ZNF133: variants seen among roughly 807,000 people sequenced by gnomAD.
ZNF133 encodes the protein zinc finger protein 133 (clone pHZ-13).
Under a neutral mutation model 54.9 loss-of-function variants are expected in ZNF133, and 26 were observed. The observed-to-expected ratio is 0.47, with a 90% CI of 0.35 to 0.66. The LOEUF (loss-of-function observed/expected upper bound fraction) is 0.66. Among genes scored for constraint, ZNF133 ranks in the 30% least tolerant of loss-of-function variants. ZNF133 has a pLI of 0.01. For synonymous variants in ZNF133, 298 were observed against 320.3 expected, an observed-to-expected ratio of 0.93 and a Z score of 0.74; for missense variants, 653 against 820.8, an observed-to-expected ratio of 0.80 and a Z score of 2.50.
intron 1 of ZNF133, among the ~76,000 whole-genome samples, chr20:18,290,358 GT>G (rs1250564723): frequency 6.6e-6 from 1 of 152,090 alleles, no homozygotes; most frequent in Non-Finnish European, 1.5e-5. Context: ...TTAACATTCT[GT>G]TCTTCTGTCT....
At position 18,316,541 on chromosome 20, in the gene ZNF133, G is replaced by T. The variant is rs763763549; in HGVS notation, c.1690G>T (p.Ala564Ser). 1 of 1,614,044 alleles carries T rather than the reference G, an allele frequency of 6.2e-7. No homozygotes were observed. The highest frequency in any genetic ancestry group is 2.2e-5 in the East Asian group (1 of 44,872). The change falls in exon 7 of 7, where the codon GCT becomes TCT. Residue 564 changes from alanine to serine, a missense_variant. Coordinates refer to ENST00000425686, the MANE Select transcript of ZNF133 (RefSeq NM_001352452.2). Reference sequence around the variant, plus strand: ...TGGACTGGGCTTTGGCAATAAGTCAGCTCTAATTACACACAAGCGGGCTCA... The same window carrying T: ...TGGACTGGGCTTTGGCAATAAGTCATCTCTAATTACACACAAGCGGGCTCA... ...QCGLGFGNKSALITHKRAHSE... is the reference protein window; with the variant it reads ...QCGLGFGNKSSLITHKRAHSE...
chr20:18,290,171 G>A (rs1338343175), intron 1 of ZNF133: 1 of 152,118 alleles, frequency 6.6e-6, no homozygotes, highest in East Asian at 1.9e-4. Flanking sequence ...CAGGGATCAG[G>A]GCCCCAGCTG....
In ZNF133 at chr20:18,316,829, G is replaced by C; in HGVS notation, c.*13G>C. ...ATACTCTCTCTGAAGGCAAAGATGG[G>C]GACAAGGACTAAGAGTCAGAATGTT... On this transcript the variant is annotated 3_prime_UTR_variant, in exon 7 of 7. Coordinates refer to ENST00000425686, the MANE Select transcript of ZNF133 (RefSeq NM_001352452.2). The C allele has an allele frequency of 6.3e-7, 1 of 1,589,756 alleles. No individual in the cohort carries two copies. The highest frequency in any genetic ancestry group is 1.1e-5 in the South Asian group (1 of 87,712).
intron 6 of ZNF133, chr20:18,312,597 C>T (rs892420240): frequency 6.6e-6 from 1 of 152,202 alleles, no homozygotes; most frequent in African/African-American, 2.4e-5. Context: ...AAGCAAGGTG[C>T]CTGGCTTAAT....
chr20:18,306,369 A>C lies in ZNF133; in HGVS notation c.193A>C (p.Lys65Gln), dbSNP rs1223221522. The change falls in exon 6 of 7, where the codon AAA (lysine) becomes CAA (glutamine). Residue 65 changes from lysine to glutamine, a missense_variant. Transcript: ENST00000425686. Reference protein sequence around the residue: ...QGKETWREEKKCSPATCPADP... With the variant: ...QGKETWREEKQCSPATCPADP... ...GAAAGAGACCTGGAGAGAGGAAAAA[A>C]AATGTTCACCGGCAACCTGTCCAGG... The C allele has an allele frequency of 2.5e-6, 4 of 1,613,644 alleles. No individual in the cohort carries two copies. The highest frequency in any genetic ancestry group is 3.4e-6 in the Non-Finnish European group (4 of 1,179,876).
intron 1 of ZNF133, among the ~76,000 whole-genome samples, chr20:18,296,174 C>G (rs553570584): frequency 9.9e-5 from 15 of 152,246 alleles, no homozygotes; most frequent in South Asian, 8.3e-4. Flanking sequence ...TTCTTCTCCC[C>G]CTTTTAGTTC....
chr20:18,308,470 A>G (rs1163875989), intron 6 of ZNF133, among the ~76,000 whole-genome samples: 5 of 152,136 alleles, frequency 3.3e-5, no homozygotes, highest in African/African-American at 7.2e-5. Flanking sequence ...TTTTTGTGTT[A>G]TATTTCACTT....
At chr20:18,311,886 T>C (rs1004146692) in intron 6 of ZNF133, among the ~76,000 whole-genome samples, 1 of 152,240 alleles carries the variant, frequency 6.6e-6, no homozygotes, top group Non-Finnish European at 1.5e-5. Flanking sequence ...TATATCTACA[T>C]GTGCCTAATC....
chr20:18,302,644 C>T (rs965087915), intron 3 of ZNF133, among the ~76,000 whole-genome samples: 3 of 152,158 alleles, frequency 2.0e-5, no homozygotes, highest in African/African-American at 7.2e-5. Context: ...CAGCAATGCC[C>T]ACTTTTGCCA....
chr20:18,311,927 T>C (rs371842117), intron 6 of ZNF133, among the ~76,000 whole-genome samples: 1 of 152,212 alleles, frequency 6.6e-6, no homozygotes, highest in African/African-American at 2.4e-5. Context: ...TATTAGCCTA[T>C]CTGATTTTTA....
chr20:18,309,176 CT>C (rs1412104798), intron 6 of ZNF133, among the ~76,000 whole-genome samples: 3 of 152,146 alleles, frequency 2.0e-5, no homozygotes, highest in Non-Finnish European at 4.4e-5. Context: ...CTTATTTAAC[CT>C]TAATTACCTC....
chr20:18,296,767 C>A (rs1322765497), intron 1 of ZNF133, among the ~76,000 whole-genome samples: 2 of 152,194 alleles, frequency 1.3e-5, no homozygotes, highest in African/African-American at 4.8e-5. Flanking sequence ...CCCTTCAGTT[C>A]TTTTGCGTAT....
intron 6 of ZNF133, among the ~76,000 whole-genome samples, chr20:18,311,140 C>T (rs1013683215): frequency 1.3e-5 from 2 of 151,970 alleles, no homozygotes; most frequent in Admixed American, 6.6e-5. Flanking sequence ...GGCAACATAG[C>T]GAGACTCTGT....
chr20:18,298,050 A>G lies in ZNF133; in HGVS notation c.-366A>G. On this transcript the variant is annotated 5_prime_UTR_variant, in exon 2 of 7. Coordinates refer to ENST00000425686, the MANE Select transcript of ZNF133 (RefSeq NM_001352452.2). ...GAAAAAAAGCCACAGGGTCCCGGAGAGCCAGGGGAATGGTGAGTGTTTCCT... is the reference window on the plus strand; with the variant it reads ...GAAAAAAAGCCACAGGGTCCCGGAGGGCCAGGGGAATGGTGAGTGTTTCCT... The G allele has an allele frequency of 6.5e-7, 1 of 1,535,472 alleles. No homozygotes were observed. Among genetic ancestry groups the G allele is most frequent in the Non-Finnish European group, 8.7e-7 (1 of 1,146,800 alleles).
intron 3 of ZNF133, among the ~76,000 whole-genome samples, chr20:18,302,456 A>C (rs1307558559): frequency 2.0e-5 from 3 of 152,138 alleles, no homozygotes; most frequent in Non-Finnish European, 4.4e-5. Flanking sequence ...TAACAGATGA[A>C]AGAAAAAAAA....
At chr20:18,290,990 G>A (rs1373902460) in intron 1 of ZNF133, among the ~76,000 whole-genome samples, 7 of 152,164 alleles carry the variant, frequency 4.6e-5, no homozygotes, top group Non-Finnish European at 8.8e-5. Flanking sequence ...AGCCAGGCGT[G>A]GTGGCACACA....
At chr20:18,311,093 G>T (rs2045804115) in intron 6 of ZNF133, among the ~76,000 whole-genome samples, 1 of 152,150 alleles carries the variant, frequency 6.6e-6, no homozygotes, top group African/African-American at 2.4e-5. Context: ...ACCAAGGCAG[G>T]AGGATCACTT....
rs764035314 is a variant in ZNF133 at position 18,315,297 on chromosome 20, A to G, written c.446A>G (p.Glu149Gly). ...WSDQAEGPEG[E>G]GAMPLFGRTK... ...GATCAAGCAGAAGGTCCTGAGGGAGAAGGTGCCATGCCTTTGTTTGGAAGA... is the reference window on the plus strand; with the variant it reads ...GATCAAGCAGAAGGTCCTGAGGGAGGAGGTGCCATGCCTTTGTTTGGAAGA... The change falls in exon 7 of 7, where the codon GAA becomes GGA. Residue 149 changes from glutamate (E) to glycine (G), a missense_variant. This residue lies in a region of ZNF133 where 227 missense variants were observed against 233.9 expected (regional missense o/e 0.97). Transcript: ENST00000425686. 1.9e-6 allele frequency: 3 copies of G among 1,614,022 alleles called. No individual in the cohort carries two copies. Among genetic ancestry groups the G allele is most frequent in the South Asian group, 2.2e-5 (2 of 91,062 alleles).
In ZNF133 at chr20:18,305,197, T is replaced by C. The variant is rs923518295; in HGVS notation, c.-7+19T>C. The C allele has an allele frequency of 1.5e-5, 15 of 990,086 alleles. No individual in the cohort carries two copies. The highest frequency in any genetic ancestry group is 1.2e-5 in the Non-Finnish European group (10 of 833,494). The allele number at this position is 990,086 out of a possible 1,614,324, so 61.3% of individuals were successfully genotyped here. A position where few individuals can be genotyped will look rare whatever the true frequency, so the allele number is the denominator to read the frequency against. ...TTCACAGGTAAGAAAACTGGGATAC[T>C]AGTTGGTGGCAGAGGTGGGTCTGAA... On this transcript the variant is annotated intron_variant, in intron 4 of 6. Coordinates refer to ENST00000425686, the MANE Select transcript of ZNF133 (RefSeq NM_001352452.2). The surrounding 1 kb of genome is among the most constrained non-coding windows in gnomAD (Gnocchi z 4.7).
Sources: gnomAD v4.1 joint callset for allele counts (sites outside exome capture counted in the v4.1 genomes callset) on GRCh38, gnomAD v4.1.1 for gene constraint, gnomAD v4.1.1 regional missense constraint, Gnocchi (gnomAD v3.1) non-coding constraint, MANE v1.5 for transcripts, NCBI Gene and HGNC (gene_info 2026-07-23, HGNC 2026-07-21) for gene names.